The following GPM6A variants were observed in gnomAD, a reference collection of about 807,000 sequenced individuals.
GPM6A encodes neuronal membrane glycoprotein M6-a.
In GPM6A, 7 loss-of-function variants were observed where a neutral mutation model predicts 32.1. The observed-to-expected ratio is 0.22, with a 90% confidence interval of 0.12 to 0.41. The LOEUF (loss-of-function observed/expected upper bound fraction) is 0.41. GPM6A is among the 10% of genes least tolerant of loss of function. GPM6A has a pLI of 1.00. For synonymous variants in GPM6A, 130 were observed against 123.4 expected (o/e 1.05, Z -0.35); for missense variants, 235 against 347.2 (o/e 0.68, Z 2.57).
At chr4:175,824,854 T>G (rs2111355362) in intron 1 of GPM6A, among the ~76,000 whole-genome samples, 1 of 152,320 alleles carries the variant, frequency 6.6e-6, no homozygotes, top group South Asian at 2.1e-4. Flanking sequence ...TTTCACAAGT[T>G]CTACAACTAC....
chr4:175,839,843 T>C lies in GPM6A; in HGVS notation c.-22-27594A>G, dbSNP rs140981043. Among the ~76,000 whole-genome samples, 411 of 152,282 alleles carry C rather than the reference T, an allele frequency of 2.7e-3. 3 individuals carry two copies. The South Asian group carries it at 0.029, about 11-fold the overall frequency. ...TGCCATCAAAAGATACACAAACTTATCAAAAGAATTTATAGGAGATCCTAG... is the reference window on the plus strand; with the variant it reads ...TGCCATCAAAAGATACACAAACTTACCAAAAGAATTTATAGGAGATCCTAG... On this transcript the variant is annotated intron_variant, in intron 1 of 7. Transcript: ENST00000280187.
intron 3 of GPM6A, among the ~76,000 whole-genome samples, chr4:175,654,894 CT>C (rs1560854694): frequency 2.0e-5 from 3 of 152,088 alleles, no homozygotes; most frequent in African/African-American, 7.2e-5. Context: ...AATCAGCATC[CT>C]TTTGGTTGCA....
intron 1 of GPM6A, among the ~76,000 whole-genome samples, chr4:175,829,801 A>T (rs1735554400): frequency 6.6e-6 from 1 of 150,558 alleles, no homozygotes; most frequent in Non-Finnish European, 1.5e-5. Flanking sequence ...TTACTATAAA[A>T]CTAAATGGAG....
intron 1 of GPM6A, among the ~76,000 whole-genome samples, chr4:175,993,309 T>A (rs763424804): frequency 2.0e-5 from 3 of 152,148 alleles, no homozygotes; most frequent in Non-Finnish European, 4.4e-5. Context: ...AAACAAAATA[T>A]ATTGTATTCC....
At chr4:175,871,513 T>G (rs1329335525) in intron 1 of GPM6A, among the ~76,000 whole-genome samples, 3 of 152,110 alleles carry the variant, frequency 2.0e-5, no homozygotes, top group African/African-American at 7.2e-5. Context: ...TACTAACAAG[T>G]AGCTGCCTTT....
chr4:175,962,819 G>C (rs1405926138), intron 1 of GPM6A, among the ~76,000 whole-genome samples: 1 of 152,128 alleles, frequency 6.6e-6, no homozygotes, highest in African/African-American at 2.4e-5. Context: ...AAATTTAAGA[G>C]ACAGGGCAAG....
intron 1 of GPM6A, among the ~76,000 whole-genome samples, chr4:175,730,627 C>T (rs375896402): frequency 7.2e-5 from 11 of 152,064 alleles, no homozygotes; most frequent in South Asian, 2.1e-4. Context: ...CCCGCCACCA[C>T]GCGCGGCTAA....
intron 4 of GPM6A, among the ~76,000 whole-genome samples, chr4:175,642,726 C>G (rs963152419): frequency 1.3e-5 from 2 of 152,040 alleles, no homozygotes; most frequent in Non-Finnish European, 2.9e-5. Flanking sequence ...ACCCTTCACT[C>G]CTCAGCCTTT....
At chr4:175,722,572 C>T (rs1212141780) in intron 1 of GPM6A, among the ~76,000 whole-genome samples, 1 of 152,076 alleles carries the variant, frequency 6.6e-6, no homozygotes, top group Non-Finnish European at 1.5e-5. Flanking sequence ...CACACCTATA[C>T]TGGTGTCCAT....
At chr4:175,919,273 T>G (rs1432786959) in intron 1 of GPM6A, among the ~76,000 whole-genome samples, 1 of 152,110 alleles carries the variant, frequency 6.6e-6, no homozygotes, top group Non-Finnish European at 1.5e-5. Flanking sequence ...TTTTTTGAGG[T>G]ACTTCTAAAA....
At chr4:175,857,437 A>G (rs1277454985) in intron 1 of GPM6A, among the ~76,000 whole-genome samples, 1 of 152,206 alleles carries the variant, frequency 6.6e-6, no homozygotes, top group Non-Finnish European at 1.5e-5. Context: ...ATCCAGGACA[A>G]TAACAAAGTA....
intron 1 of GPM6A, among the ~76,000 whole-genome samples, chr4:175,735,273 T>G (rs1412329176): frequency 6.6e-6 from 1 of 152,204 alleles, no homozygotes; most frequent in Non-Finnish European, 1.5e-5. Context: ...TTTAGGAGTT[T>G]AAAATCCTGG....
chr4:175,684,205 A>C (rs1001156537), intron 2 of GPM6A, among the ~76,000 whole-genome samples: 6 of 152,178 alleles, frequency 3.9e-5, no homozygotes, highest in Admixed American at 6.5e-5. Context: ...CTAAGACACA[A>C]GTGACAGATG....
chr4:175,847,404 G>A (rs1459513504), intron 1 of GPM6A, among the ~76,000 whole-genome samples: 1 of 152,136 alleles, frequency 6.6e-6, no homozygotes, highest in African/African-American at 2.4e-5. Flanking sequence ...GCTGTGTTCT[G>A]AGTAGTGTAA....
intron 1 of GPM6A, among the ~76,000 whole-genome samples, chr4:175,849,569 A>C (rs1461226367): frequency 6.6e-6 from 1 of 152,214 alleles, no homozygotes; most frequent in Admixed American, 6.5e-5. Context: ...GACTGCCCAG[A>C]TTAACATGGA....
intron 1 of GPM6A, among the ~76,000 whole-genome samples, chr4:175,881,490 C>G: frequency 6.6e-6 from 1 of 152,212 alleles, no homozygotes; most frequent in East Asian, 1.9e-4. Flanking sequence ...CATCCCATTA[C>G]TGGGTATATA....
chr4:175,910,185 G>C (rs960046838), intron 1 of GPM6A, among the ~76,000 whole-genome samples: 20 of 152,108 alleles, frequency 1.3e-4, no homozygotes, highest in Admixed American at 1.1e-3. Flanking sequence ...CAAGCCAGTG[G>C]AATTCTGCTA....
chr4:175,871,013 T>C (rs566140912), intron 1 of GPM6A, among the ~76,000 whole-genome samples: 101 of 152,182 alleles, frequency 6.6e-4, no homozygotes, highest in African/African-American at 2.3e-3. Context: ...TTCTAGGGCA[T>C]CTTTAGAACC....
rs201538291 is a variant in GPM6A, at chr4:175,674,981, GATACATAATA to G, written c.231-1155_231-1146del. ...TATAAAAATGTGCACAGCCAGAACT[GATACATAATA>G]ACAGATGGATATATGGATAGATAGA... is the stretch of plus-strand genomic sequence containing the variant. On this transcript the variant is annotated intron_variant, in intron 2 of 6. Transcript: ENST00000393658. Among the ~76,000 whole-genome samples, 1,500 of 151,730 alleles carry G rather than the reference GATACATAATA, an allele frequency of 9.9e-3. 22 individuals carry two copies. The highest frequency in any genetic ancestry group is 0.034 in the African/African-American group (1,399 of 41,424).
Sources: gnomAD v4.1 joint callset for allele counts (sites outside exome capture counted in the v4.1 genomes callset) on GRCh38, gnomAD v4.1.1 for gene constraint, MANE v1.5 for transcripts, NCBI Gene and HGNC (gene_info 2026-07-23, HGNC 2026-07-21) for gene names.